The following AKAP19 variants were observed in gnomAD, a reference collection of about 807,000 sequenced individuals.
The protein encoded by AKAP19 is small A-kinase anchoring protein.
the AKAP19 span, among the ~76,000 whole-genome samples, chr2:190,166,185 A>G: frequency 1.3e-5 from 2 of 151,884 alleles, no homozygotes; most frequent in Non-Finnish European, 2.9e-5. Flanking sequence ...GAATAAAATG[A>G]GCAATGTAAT....
At chr2:189,949,280 G>A in the AKAP19 span, among the ~76,000 whole-genome samples, 64 of 152,144 alleles carry the variant, frequency 4.2e-4, no homozygotes, top group South Asian at 1.0e-3. Context: ...AAAGCCGGGC[G>A]CGATGGCTCA....
At chr2:189,908,495 C>T in the AKAP19 span, among the ~76,000 whole-genome samples, 1 of 152,122 alleles carries the variant, frequency 6.6e-6, no homozygotes, top group Non-Finnish European at 1.5e-5. Context: ...CTGTGCCCAG[C>T]CCTATATACT....
At chr2:190,051,752 G>C in the AKAP19 span, among the ~76,000 whole-genome samples, 7 of 152,156 alleles carry the variant, frequency 4.6e-5, no homozygotes, top group South Asian at 1.2e-3. Flanking sequence ...TTTTACTGGC[G>C]TATCTACAGG....
the AKAP19 span, among the ~76,000 whole-genome samples, chr2:189,938,200 G>A: frequency 6.6e-6 from 1 of 152,052 alleles, no homozygotes; most frequent in Non-Finnish European, 1.5e-5. Flanking sequence ...GCTGGACATG[G>A]CGGCATGTGC....
the AKAP19 span, among the ~76,000 whole-genome samples, chr2:190,133,580 C>T: frequency 6.6e-6 from 1 of 152,298 alleles, no homozygotes; most frequent in Admixed American, 6.5e-5. Flanking sequence ...CCCCTATGTT[C>T]ATTGAGCACT....
chr2:190,134,167 A>G, the AKAP19 span, among the ~76,000 whole-genome samples: 1 of 152,204 alleles, frequency 6.6e-6, no homozygotes, highest in African/African-American at 2.4e-5. Context: ...AATGAAACCC[A>G]TGAGCTAAAA....
At chr2:190,158,282 C>T in the AKAP19 span, among the ~76,000 whole-genome samples, 1 of 152,188 alleles carries the variant, frequency 6.6e-6, no homozygotes, top group Non-Finnish European at 1.5e-5. Context: ...TTATACAACT[C>T]AGTGTCTGAG....
the AKAP19 span, among the ~76,000 whole-genome samples, chr2:189,950,414 A>G: frequency 6.6e-6 from 1 of 150,548 alleles, no homozygotes; most frequent in Admixed American, 6.6e-5. Flanking sequence ...AGAGAAGAAT[A>G]AGGAGTTCAA....
the AKAP19 span, among the ~76,000 whole-genome samples, chr2:189,956,170 T>TTTTTTC: frequency 5.9e-4 from 3 of 5,054 alleles, no homozygotes; most frequent in South Asian, 0.022. Flanking sequence ...TATATTTTCT[T>TTTTTTC]TTTTTTCTTT....
chr2:190,094,662 G>A, the AKAP19 span, among the ~76,000 whole-genome samples: 1 of 152,182 alleles, frequency 6.6e-6, no homozygotes, highest in African/African-American at 2.4e-5. Context: ...TGCCGGCAAA[G>A]TCTATTGAGC....
the AKAP19 span, among the ~76,000 whole-genome samples, chr2:190,041,751 G>C: frequency 6.6e-6 from 1 of 151,964 alleles, no homozygotes. Flanking sequence ...TTGAAAGCCT[G>C]TTTTGCATCT....
chr2:189,930,657 C>T, the AKAP19 span: 1 of 336,760 alleles, frequency 3.0e-6, no homozygotes, highest in Non-Finnish European at 5.7e-6. Context: ...GCCTGGGTGA[C>T]AAGAAGGAAA....
At chr2:189,943,419 C>T in the AKAP19 span, among the ~76,000 whole-genome samples, 1 of 152,230 alleles carries the variant, frequency 6.6e-6, no homozygotes, top group Admixed American at 6.5e-5. Context: ...GCAACTTCTG[C>T]CTAGATTTTA....
At chr2:190,155,791 T>C in the AKAP19 span, among the ~76,000 whole-genome samples, 2 of 152,084 alleles carry the variant, frequency 1.3e-5, no homozygotes, top group African/African-American at 4.8e-5. Context: ...GTGGATAGAT[T>C]AAAAATATTT....
the AKAP19 span, among the ~76,000 whole-genome samples, chr2:190,043,123 C>T: frequency 1.3e-5 from 2 of 152,046 alleles, no homozygotes; most frequent in African/African-American, 4.8e-5. Flanking sequence ...CTGCCTTTAA[C>T]ATTCTTTCTT....
At chr2:189,951,391 G>A in the AKAP19 span, among the ~76,000 whole-genome samples, 10 of 151,758 alleles carry the variant, frequency 6.6e-5, no homozygotes, top group African/African-American at 9.7e-5. Flanking sequence ...TGGTAGAGAC[G>A]GGGTTTCACC....
At chr2:190,116,087 G>A in the AKAP19 span, among the ~76,000 whole-genome samples, 7 of 152,030 alleles carry the variant, frequency 4.6e-5, no homozygotes, top group South Asian at 2.1e-4. Context: ...TTCTCACTCC[G>A]GCCACAGCTC....
the AKAP19 span, among the ~76,000 whole-genome samples, chr2:190,155,941 T>C: frequency 2.0e-5 from 3 of 152,122 alleles, no homozygotes; most frequent in African/African-American, 7.2e-5. Flanking sequence ...CTCCCCCAAA[T>C]CAAGTAAATG....
the AKAP19 span, among the ~76,000 whole-genome samples, chr2:189,996,338 T>C: frequency 6.6e-6 from 1 of 152,218 alleles, no homozygotes; most frequent in Non-Finnish European, 1.5e-5. Flanking sequence ...TTCAAAAACC[T>C]TCCCTTTAAG....
Sources: allele counts gnomAD v4.1 joint callset (sites outside exome capture counted in the v4.1 genomes callset), GRCh38; gene constraint gnomAD v4.1.1; transcripts MANE v1.5; gene names NCBI Gene and HGNC (gene_info 2026-07-23, HGNC 2026-07-21).